CRTC1: variants seen among roughly 807,000 people sequenced by gnomAD.
CRTC1 encodes CREB regulated transcription coactivator 1.
In CRTC1, 18 loss-of-function variants were observed where a neutral mutation model predicts 66.1. The ratio of observed to expected loss-of-function variants is 0.27; its 90% CI spans 0.19 to 0.40. CRTC1 has a LOEUF of 0.40. CRTC1 is among the 10% of genes least tolerant of loss of function. CRTC1 has a pLI of 1.00. For missense variants in CRTC1, 669 were observed against 887.9 expected, an observed-to-expected ratio of 0.75 and a Z score of 3.13; for synonymous variants, 416 against 398.8, an observed-to-expected ratio of 1.04 and a Z score of -0.51.
intron 6 of CRTC1, among the ~76,000 whole-genome samples, chr19:18,757,037 C>T (rs1018805373): frequency 3.3e-5 from 5 of 152,224 alleles, no homozygotes; most frequent in Admixed American, 2.0e-4. Context: ...CCAGTGGCTG[C>T]GGGTTGGGCA....
chr19:18,727,580 CAAA>C (rs60907638), intron 1 of CRTC1, among the ~76,000 whole-genome samples: 7 of 51,796 alleles, frequency 1.4e-4, no homozygotes, highest in Non-Finnish European at 2.0e-4. Flanking sequence ...GACTCTGTCT[CAAA>C]AAAAAAAAAA....
rs558681090 is a variant in CRTC1 at position 18,767,581 on chromosome 19, C to T, written c.1012-904C>T. On this transcript the variant is annotated intron_variant, in intron 9 of 13. Transcript: ENST00000321949. The stretch of plus-strand genomic sequence containing the variant: ...TAGTTCCTTGGTACCTGGCAATGCC[C>T]GGCCCGGACTCCATTTCTCCCCGCC... 2.0e-5 allele frequency among the ~76,000 whole-genome samples: 3 copies of T among 152,264 alleles called. No homozygotes were observed. In the South Asian group the frequency reaches 6.2e-4, roughly 32 times the overall value.
rs1187979729 is a variant in CRTC1, at chr19:18,771,085, G to GGT, written c.1321-356_1321-355dup. 6.6e-6 allele frequency among the ~76,000 whole-genome samples: 1 copy of GGT among 151,022 alleles called. No individual in the cohort carries two copies. Among genetic ancestry groups the GGT allele is most frequent in the East Asian group, 1.9e-4 (1 of 5,136 alleles). On this transcript the variant is annotated intron_variant, in intron 10 of 13. Coordinates refer to ENST00000321949, the MANE Select transcript of CRTC1 (RefSeq NM_015321.3). The surrounding 1 kb of genome is among the most constrained non-coding windows in gnomAD (Gnocchi z 4.6). Reference sequence around the variant, plus strand: ...TCTAGTGTGGATATGTGTACACGTGGGTATGTCTGTGTGGGTGTGCATGCA... The same window carrying GGT: ...TCTAGTGTGGATATGTGTACACGTGGGTGTATGTCTGTGTGGGTGTGCATGCA...
intron 6 of CRTC1, among the ~76,000 whole-genome samples, chr19:18,755,972 G>A (rs539618453): frequency 8.6e-5 from 13 of 151,956 alleles, no homozygotes; most frequent in African/African-American, 2.9e-4. Flanking sequence ...TCCTGGGCTC[G>A]GTCTCTGTGT....
At position 18,753,565 on chromosome 19, in the gene CRTC1, C is replaced by A. The variant is rs956740303; in HGVS notation, c.604C>A (p.Gln202Lys). Residue 202 changes from glutamine to lysine, a missense_variant, in exon 6 of 14, where the codon CAA becomes AAA. By Grantham distance (53) the Gln-to-Lys change is moderately conservative. This residue lies in a region of CRTC1 where 214 missense variants were observed against 323.4 expected (regional missense o/e 0.66). Coordinates refer to ENST00000321949, the MANE Select transcript of CRTC1 (RefSeq NM_015321.3). ...TSEADKNLSK[Q>K]AWDTKKTGSR... Reference sequence around the variant, plus strand: ...AGAGGCAGACAAAAACCTTTCCAAGCAAGCATGGGACACCAAGAAGGTAAG... The same window carrying A: ...AGAGGCAGACAAAAACCTTTCCAAGAAAGCATGGGACACCAAGAAGGTAAG... The A allele has an allele frequency of 6.2e-7, 1 of 1,612,186 alleles. No homozygotes were observed. The highest frequency in any genetic ancestry group is 1.7e-5 in the Admixed American group (1 of 59,862).
At chr19:18,756,876 C>T (rs1342532391) in intron 6 of CRTC1, among the ~76,000 whole-genome samples, 4 of 152,130 alleles carry the variant, frequency 2.6e-5, no homozygotes, top group Admixed American at 6.5e-5. Context: ...TTCTTGAGAA[C>T]GTGATCGCCG....
chr19:18,745,131 G>A (rs954162671), intron 2 of CRTC1, among the ~76,000 whole-genome samples: 10 of 152,180 alleles, frequency 6.6e-5, no homozygotes, highest in African/African-American at 2.4e-4. Flanking sequence ...AGGGCCTGGG[G>A]AGGGCCAGCC....
At chr19:18,737,630 G>T (rs1401352000) in intron 1 of CRTC1, among the ~76,000 whole-genome samples, 2 of 152,038 alleles carry the variant, frequency 1.3e-5, no homozygotes, top group African/African-American at 4.8e-5. Context: ...CCTTACAGTT[G>T]ACTCTTGAAT....
chr19:18,734,675 C>G (rs377207152), intron 1 of CRTC1, among the ~76,000 whole-genome samples: 1 of 152,184 alleles, frequency 6.6e-6, no homozygotes, highest in South Asian at 2.1e-4. Flanking sequence ...AAGACCCTGT[C>G]GCAAATAAAA....
rs549392480 is a variant in CRTC1 at position 18,741,032 on chromosome 19, C to T, written c.127-1878C>T. On this transcript the variant is annotated intron_variant, in intron 1 of 13. Coordinates refer to ENST00000321949, the MANE Select transcript of CRTC1 (RefSeq NM_015321.3). The surrounding 1 kb of genome is among the most constrained non-coding windows in gnomAD (Gnocchi z 4.2). The stretch of plus-strand genomic sequence containing the variant: ...AAAAACAAACAAACAACAACAACAA[C>T]AAAAAAGAAAAGCAGAGTCCCCACT... Among the ~76,000 whole-genome samples the T allele has an allele frequency of 3.1e-4, 47 of 152,246 alleles. No homozygotes were observed. Among genetic ancestry groups the T allele is most frequent in the African/African-American group, 9.9e-4 (41 of 41,542 alleles).
intron 1 of CRTC1, among the ~76,000 whole-genome samples, chr19:18,712,702 A>G (rs1245312289): frequency 2.0e-5 from 3 of 152,052 alleles, no homozygotes; most frequent in Admixed American, 6.5e-5. Context: ...GCCCATTCCT[A>G]TAATCCCAAC....
chr19:18,708,573 G>A (rs906697869), intron 1 of CRTC1, among the ~76,000 whole-genome samples: 23 of 152,202 alleles, frequency 1.5e-4, no homozygotes, highest in Admixed American at 1.1e-3. Context: ...GAGTCTCCTG[G>A]GGCATCACAG....
In CRTC1 at chr19:18,775,667, C is replaced by T. The variant is rs140134062; in HGVS notation, c.1539C>T (p.Asn513=). ...TGGAGCAGTTCAACATGATGGAGAA[C>T]GCCATCAGCTCCAGCAGCCTGTACA... ...HQLEQFNMME[N]AISSSSLYSP... Residue 513 remains asparagine, a synonymous_variant, in exon 13 of 14, where the codon AAC becomes AAT. Transcript: ENST00000321949. 632 of 1,605,016 alleles carry T rather than the reference C, an allele frequency of 3.9e-4. No homozygotes were observed. The highest frequency in any genetic ancestry group is 3.8e-4 in the Non-Finnish European group (444 of 1,176,380).
chr19:18,764,440 G>A (rs1193609463), intron 8 of CRTC1, among the ~76,000 whole-genome samples: 3 of 152,228 alleles, frequency 2.0e-5, no homozygotes, highest in South Asian at 2.1e-4. Context: ...TGCCATCGAG[G>A]GGCCTGTTGC....
intron 1 of CRTC1, among the ~76,000 whole-genome samples, chr19:18,701,815 A>G (rs1394115789): frequency 6.6e-6 from 1 of 150,646 alleles, no homozygotes; most frequent in Non-Finnish European, 1.5e-5. Context: ...ACGGGGTTTC[A>G]CCATGTTGGT....
intron 1 of CRTC1, among the ~76,000 whole-genome samples, chr19:18,695,131 A>G (rs1026920450): frequency 4.6e-5 from 7 of 152,062 alleles, no homozygotes; most frequent in African/African-American, 1.4e-4. Flanking sequence ...TCGGCCTCCT[A>G]AAGTGCTGGG....
intron 1 of CRTC1, among the ~76,000 whole-genome samples, chr19:18,684,289 G>A (rs2052635447): frequency 2.0e-5 from 3 of 151,976 alleles, no homozygotes; most frequent in Admixed American, 2.0e-4. Flanking sequence ...CTGCTTGCAA[G>A]CACCATTGGT....
chr19:18,774,516 A>C (rs1420901326), intron 11 of CRTC1, among the ~76,000 whole-genome samples: 3 of 151,922 alleles, frequency 2.0e-5, no homozygotes, highest in Admixed American at 2.0e-4. Flanking sequence ...TCTGTCCTGA[A>C]TGTAACGTCT....
intron 6 of CRTC1, among the ~76,000 whole-genome samples, chr19:18,756,691 C>T (rs1435085198): frequency 6.6e-6 from 1 of 151,950 alleles, no homozygotes; most frequent in Non-Finnish European, 1.5e-5. Flanking sequence ...AAGTAGGCCA[C>T]GGTCCACCCA....
Sources: gnomAD v4.1 joint callset for allele counts (sites outside exome capture counted in the v4.1 genomes callset) on GRCh38, gnomAD v4.1.1 for gene constraint, gnomAD v4.1.1 regional missense constraint, Gnocchi (gnomAD v3.1) non-coding constraint, MANE v1.5 for transcripts, NCBI Gene and HGNC (gene_info 2026-07-23, HGNC 2026-07-21) for gene names.